Variants in MACROD2 observed in about 807,000 individuals in gnomAD.
MACROD2 encodes the protein mono-ADP ribosylhydrolase 2, also known as ADP-ribose glycohydrolase MACROD2.
Under a neutral mutation model 70.4 loss-of-function variants are expected in MACROD2, and 36 were observed. The ratio of observed to expected loss-of-function variants is 0.51; its 90% CI spans 0.39 to 0.68. MACROD2 has a LOEUF of 0.68. MACROD2 is among the 30% of genes least tolerant of loss of function. The probability of loss-of-function intolerance (pLI) is 0.00; values close to 1 mark genes in which losing one functional copy is unlikely to be tolerated. For missense variants in MACROD2, 496 were observed against 538.4 expected (o/e 0.92, Z 0.78); for synonymous variants, 172 against 178.8 (o/e 0.96, Z 0.30).
At chr20:15,485,668 T>C (rs1202952477) in intron 7 of MACROD2, among the ~76,000 whole-genome samples, 1 of 152,178 alleles carries the variant, frequency 6.6e-6, no homozygotes, top group Non-Finnish European at 1.5e-5. Context: ...TTCTGTGGCT[T>C]ATTTGGTCTC....
intron 5 of MACROD2, among the ~76,000 whole-genome samples, chr20:14,974,705 A>G (rs1483601883): frequency 6.6e-6 from 1 of 152,308 alleles, no homozygotes; most frequent in African/African-American, 2.4e-5. Context: ...CAAAGGGAAT[A>G]CATACCTTGA....
chr20:15,163,722 A>G (rs751756792), intron 5 of MACROD2, among the ~76,000 whole-genome samples: 26 of 151,944 alleles, frequency 1.7e-4, no homozygotes, highest in Non-Finnish European at 3.4e-4. Context: ...AATGGATTGT[A>G]AATTTTTTTC....
At chr20:14,758,042 C>A in intron 5 of MACROD2, 1 of 657,764 alleles carries the variant, frequency 1.5e-6, no homozygotes, top group South Asian at 1.7e-5. Flanking sequence ...TGGACATGGT[C>A]GGCCACCTCA....
chr20:15,835,139 A>C (rs1050120754), intron 8 of MACROD2, among the ~76,000 whole-genome samples: 2 of 152,214 alleles, frequency 1.3e-5, no homozygotes, highest in African/African-American at 4.8e-5. Flanking sequence ...CTTTGTAAAC[A>C]AACCTTTCAA....
At chr20:16,006,881 C>T (rs559767199) in intron 15 of MACROD2, among the ~76,000 whole-genome samples, 9 of 152,226 alleles carry the variant, frequency 5.9e-5, no homozygotes, top group South Asian at 4.1e-4. Context: ...TTGATTAGAA[C>T]GACCTCTTTT....
chr20:14,368,519 G>C (rs1374095394), intron 3 of MACROD2, among the ~76,000 whole-genome samples: 1 of 151,732 alleles, frequency 6.6e-6, no homozygotes, highest in Non-Finnish European at 1.5e-5. Flanking sequence ...CTCTAGCCTG[G>C]GTGACAGAGC....
chr20:14,053,507 T>C (rs2053595925), intron 2 of MACROD2: 1 of 152,156 alleles, frequency 6.6e-6, no homozygotes, highest in African/African-American at 2.4e-5. Flanking sequence ...TGAAGGTACT[T>C]TTGCTTCCAT....
intron 7 of MACROD2, among the ~76,000 whole-genome samples, chr20:15,484,978 A>G (rs907864818): frequency 3.3e-5 from 5 of 152,110 alleles, no homozygotes; most frequent in Non-Finnish European, 7.4e-5. Context: ...CACTTCTTCG[A>G]AGGATCTAAA....
intron 7 of MACROD2, among the ~76,000 whole-genome samples, chr20:15,497,734 C>T (rs4814389): frequency 0.85 from 130,044 of 152,142 alleles, 55,993 homozygotes; most frequent in East Asian, 0.99. Context: ...ATTTTACAGC[C>T]CTCTTCCTCA....
intron 15 of MACROD2, among the ~76,000 whole-genome samples, chr20:16,003,773 C>T (rs780792711): frequency 7.9e-5 from 12 of 152,092 alleles, no homozygotes; most frequent in African/African-American, 1.2e-4. Context: ...CAGGTTCAAG[C>T]GATTCTCCTG....
chr20:15,093,294 G>A (rs544858826), intron 5 of MACROD2, among the ~76,000 whole-genome samples: 1 of 152,154 alleles, frequency 6.6e-6, no homozygotes, highest in Non-Finnish European at 1.5e-5. Flanking sequence ...AGGCTTCCAC[G>A]CAGAATGGAT....
chr20:14,805,342 T>A (rs2072626034), intron 5 of MACROD2, among the ~76,000 whole-genome samples: 1 of 152,100 alleles, frequency 6.6e-6, no homozygotes, highest in Non-Finnish European at 1.5e-5. Flanking sequence ...TTCCCTAGCC[T>A]CTGGCAATGA....
chr20:15,720,646 G>C (rs1163048781), intron 8 of MACROD2, among the ~76,000 whole-genome samples: 3 of 152,076 alleles, frequency 2.0e-5, no homozygotes, highest in African/African-American at 7.2e-5. Context: ...AACTATTTTT[G>C]CTTTGAATCA....
intron 3 of MACROD2, among the ~76,000 whole-genome samples, chr20:14,256,445 T>A (rs576036302): frequency 3.5e-4 from 53 of 152,296 alleles, no homozygotes; most frequent in South Asian, 6.2e-4. Context: ...TATTGATTTA[T>A]ATTAGACATT....
At chr20:15,071,706 C>T (rs1026089100) in intron 5 of MACROD2, among the ~76,000 whole-genome samples, 1 of 152,068 alleles carries the variant, frequency 6.6e-6, no homozygotes, top group African/African-American at 2.4e-5. Flanking sequence ...TATAGAAAAA[C>T]AATGAACAGT....
intron 13 of MACROD2, chr20:15,986,067 C>G (rs143730062): frequency 6.6e-6 from 1 of 152,182 alleles, no homozygotes; most frequent in African/African-American, 2.4e-5. Context: ...TGAATAACAT[C>G]GGTTTCTAAG....
At chr20:15,239,687 G>T (rs149048951) in intron 6 of MACROD2, among the ~76,000 whole-genome samples, 1 of 152,116 alleles carries the variant, frequency 6.6e-6, no homozygotes, top group South Asian at 2.1e-4. Flanking sequence ...CCCGGAGGAT[G>T]CACAACAGAA....
chr20:15,816,637 A>AT (rs1349216313), intron 8 of MACROD2, among the ~76,000 whole-genome samples: 15 of 152,150 alleles, frequency 9.9e-5, no homozygotes, highest in Non-Finnish European at 1.9e-4. Context: ...CTCCTTCGAT[A>AT]TTTGACAAGC....
At chr20:15,897,401 T>G (rs2064989442) in intron 10 of MACROD2, among the ~76,000 whole-genome samples, 1 of 152,180 alleles carries the variant, frequency 6.6e-6, no homozygotes, top group Non-Finnish European at 1.5e-5. Flanking sequence ...TTATATATCC[T>G]TCTTAGAATT....
Sources: gnomAD v4.1 joint callset for allele counts (sites outside exome capture counted in the v4.1 genomes callset) on GRCh38, gnomAD v4.1.1 for gene constraint, MANE v1.5 for transcripts, NCBI Gene and HGNC (gene_info 2026-07-23, HGNC 2026-07-21) for gene names.